Variants in TASP1 observed in about 807,000 individuals in gnomAD.
The protein encoded by TASP1 is taspase 1, also known as threonine aspartase 1.
A neutral mutation model predicts 56.6 loss-of-function variants in TASP1; 16 were observed. The observed-to-expected ratio is 0.28, with a 90% CI of 0.19 to 0.43. TASP1 has a LOEUF of 0.43. Ranked by LOEUF, TASP1 falls within the 20% of genes least tolerant of loss-of-function variation. The pLI is 1.00. For missense variants in TASP1, 393 were observed against 511.6 expected, an observed-to-expected ratio of 0.77 and a Z score of 2.24; for synonymous variants, 179 against 184.2, an observed-to-expected ratio of 0.97 and a Z score of 0.23.
chr20:13,421,229 C>T (rs755179439), intron 12 of TASP1, among the ~76,000 whole-genome samples: 9 of 151,352 alleles, frequency 5.9e-5, no homozygotes, highest in South Asian at 2.1e-4. Context: ...TCTCGATTCT[C>T]CTGCCTGGCT....
chr20:13,437,202 A>C (rs2043035344), intron 11 of TASP1, among the ~76,000 whole-genome samples: 1 of 152,208 alleles, frequency 6.6e-6, no homozygotes, highest in Non-Finnish European at 1.5e-5. Flanking sequence ...GGCTGGTTCA[A>C]CATACGAAAA....
At chr20:13,343,399 A>C in the TASP1 span, among the ~76,000 whole-genome samples, 12 of 152,330 alleles carry the variant, frequency 7.9e-5, no homozygotes, top group East Asian at 2.1e-3. Flanking sequence ...GACAATGCTG[A>C]GTTCAGTTCT....
rs569405948 is a variant in TASP1, at chr20:13,617,886, A to G, written c.282+5560T>C. On this transcript the variant is annotated intron_variant, in intron 4 of 13. Transcript: ENST00000337743. ...TAGGTATGCCCATATGCCATCAGGA[A>G]GCCACACCATCTCCATGACCACTAG... 2.1e-4 allele frequency among the ~76,000 whole-genome samples: 32 copies of G among 152,196 alleles called. No individual in the cohort carries two copies. The South Asian group carries it at 6.6e-3, about 32-fold the overall frequency.
In TASP1 at chr20:13,611,420, G is replaced by C. The variant is rs182324187; in HGVS notation, c.282+12026C>G. The stretch of plus-strand genomic sequence containing the variant: ...TTTAGAGTGATATACTTTGGTATTA[G>C]TTCAAATTGTTTCAATGAGGAATTT... On this transcript the variant is annotated intron_variant, in intron 4 of 13. Transcript: ENST00000337743. Among the ~76,000 whole-genome samples the C allele has an allele frequency of 8.5e-5, 13 of 152,274 alleles. No homozygotes were observed. In the East Asian group the frequency reaches 2.5e-3, roughly 29 times the overall value.
chr20:13,502,992 G>T (rs1395287811), intron 10 of TASP1, among the ~76,000 whole-genome samples: 9 of 152,198 alleles, frequency 5.9e-5, no homozygotes, highest in Admixed American at 5.9e-4. Context: ...AATGGAAAGT[G>T]AGAGTGCAGT....
chr20:13,399,096 T>C (rs2041647209), intron 13 of TASP1, among the ~76,000 whole-genome samples: 2 of 152,184 alleles, frequency 1.3e-5, no homozygotes, highest in Admixed American at 6.5e-5. Flanking sequence ...CTGCTTCTCC[T>C]TGAAACACCC....
intron 4 of TASP1, among the ~76,000 whole-genome samples, chr20:13,595,015 A>G (rs2047675903): frequency 6.6e-6 from 1 of 152,320 alleles, no homozygotes; most frequent in East Asian, 1.9e-4. Flanking sequence ...CCATCAGACT[A>G]ACAGCTGATT....
At chr20:13,542,452 T>C (rs2045659345) in intron 8 of TASP1, among the ~76,000 whole-genome samples, 1 of 152,166 alleles carries the variant, frequency 6.6e-6, no homozygotes, top group Admixed American at 6.5e-5. Flanking sequence ...CTCTCAATTA[T>C]GAAGAGGTCA....
At chr20:13,336,466 G>A in the TASP1 span, among the ~76,000 whole-genome samples, 1 of 152,048 alleles carries the variant, frequency 6.6e-6, no homozygotes, top group Non-Finnish European at 1.5e-5. Flanking sequence ...CGCAGTGGAA[G>A]AATTGAGGTT....
At chr20:13,153,804 C>T in the TASP1 span, among the ~76,000 whole-genome samples, 3 of 152,176 alleles carry the variant, frequency 2.0e-5, no homozygotes, top group Non-Finnish European at 4.4e-5. Flanking sequence ...ACCTCCCTTC[C>T]TGCCTTCCAG....
Position 13,534,161 on chromosome 20 carries a change from C to G in TASP1, c.676-20G>C. 6.2e-7 allele frequency: 1 copy of G among 1,612,598 alleles called. No homozygotes were observed. Among genetic ancestry groups the G allele is most frequent in the Non-Finnish European group, 8.5e-7 (1 of 1,179,224 alleles). ...ATTTTCCTGCAGAGCAAAAGTGGCACAAGTATTCACTAGGCATGGAGTGGG... is the reference window on the plus strand; with the variant it reads ...ATTTTCCTGCAGAGCAAAAGTGGCAGAAGTATTCACTAGGCATGGAGTGGG... On this transcript the variant is annotated intron_variant, in intron 8 of 13. Coordinates refer to ENST00000337743, the MANE Select transcript of TASP1 (RefSeq NM_017714.3).
the TASP1 span, among the ~76,000 whole-genome samples, chr20:13,372,213 C>T: frequency 6.6e-6 from 1 of 152,130 alleles, no homozygotes; most frequent in African/African-American, 2.4e-5. Context: ...TCAGTGAACA[C>T]TGAGTAAAGC....
chr20:13,125,375 G>A, the TASP1 span, among the ~76,000 whole-genome samples: 1 of 152,182 alleles, frequency 6.6e-6, no homozygotes, highest in Non-Finnish European at 1.5e-5. Context: ...GGCATAACCA[G>A]AGTTTATCTG....
chr20:13,510,340 C>G (rs1240613870), intron 10 of TASP1, among the ~76,000 whole-genome samples: 1 of 152,090 alleles, frequency 6.6e-6, no homozygotes, highest in Non-Finnish European at 1.5e-5. Flanking sequence ...GAATCTTGCC[C>G]CAGAACCAAG....
the TASP1 span, among the ~76,000 whole-genome samples, chr20:13,366,850 G>T: frequency 6.6e-6 from 1 of 150,412 alleles, no homozygotes. Context: ...TACCAAGAGG[G>T]TTTTGCCTGA....
chr20:13,558,952 A>G, intron 8 of TASP1, 56 bp downstream of exon 8: 1 of 1,105,664 alleles, frequency 9.0e-7, no homozygotes, highest in Non-Finnish European at 1.3e-6. Context: ...TTGTATCTAA[A>G]TGCAGAAGAT....
At chr20:13,379,485 T>A in the TASP1 span, among the ~76,000 whole-genome samples, 73 of 152,308 alleles carry the variant, frequency 4.8e-4, no homozygotes, top group Middle Eastern at 0.014. Flanking sequence ...TAACCCGACA[T>A]TTCTCTCTGG....
chr20:13,608,016 A>G (rs749350652), intron 4 of TASP1, among the ~76,000 whole-genome samples: 1 of 152,214 alleles, frequency 6.6e-6, no homozygotes, highest in Non-Finnish European at 1.5e-5. Flanking sequence ...CTTCATTGAT[A>G]AGCAGATACC....
At chr20:13,363,388 C>T in the TASP1 span, among the ~76,000 whole-genome samples, 1 of 152,060 alleles carries the variant, frequency 6.6e-6, no homozygotes, top group Non-Finnish European at 1.5e-5. Context: ...TGTGGTGCAC[C>T]CTAACTCCAC....
Sources: gnomAD v4.1 joint callset for allele counts (sites outside exome capture counted in the v4.1 genomes callset) on GRCh38, gnomAD v4.1.1 for gene constraint, MANE v1.5 for transcripts, NCBI Gene and HGNC (gene_info 2026-07-23, HGNC 2026-07-21) for gene names.